ADGRF5: variants seen among roughly 807,000 people sequenced by gnomAD.
The protein encoded by ADGRF5 is G-protein coupled receptor 116.
ADGRF5 carries 75 observed loss-of-function variants against 132.3 expected under a neutral mutation model. The observed-to-expected ratio is 0.57, with a 90% CI of 0.47 to 0.69. The LOEUF (loss-of-function observed/expected upper bound fraction) is 0.69, where lower values mean the gene tolerates loss of function less well. ADGRF5 is among the 30% of genes least tolerant of loss of function. The pLI is 0.00. For missense variants in ADGRF5, 1,516 were observed against 1,630.6 expected (o/e 0.93, Z 1.21); for synonymous variants, 629 against 597.6 (o/e 1.05, Z -0.77).
At position 46,879,964 on chromosome 6, in the gene ADGRF5, A is replaced by G. The variant is rs1269923221; in HGVS notation, c.890T>C (p.Val297Ala). 1.2e-6 allele frequency: 2 copies of G among 1,614,160 alleles called. No individual in the cohort carries two copies. The highest frequency in any genetic ancestry group is 1.7e-5 in the Admixed American group (1 of 60,012). ...GCGCCAAGACACATTGGAGGACAAA[A>G]CTTCCTTTTCACACACCAGACTGAC... ...DTVSLVCEKE[V>A]LSSNVSWRYE... is the part of the protein sequence containing the mutation. The change falls in exon 9 of 21, where the codon GTT becomes GCT. Residue 297 changes from valine to alanine, a missense_variant. Physicochemically the swap from Val to Ala is moderately conservative, Grantham distance 64. Around this residue, in one of 2 missense-constraint regions of ADGRF5, gnomAD observed 945 missense variants for 929.4 expected, o/e 1.02. Coordinates refer to ENST00000283296, the MANE Select transcript of ADGRF5 (RefSeq NM_001098518.2).
At chr6:46,943,235 A>C (rs768249749) in intron 1 of ADGRF5, among the ~76,000 whole-genome samples, 6 of 152,128 alleles carry the variant, frequency 3.9e-5, no homozygotes, top group Non-Finnish European at 7.4e-5. Context: ...TGATTTTTGC[A>C]GAAAGTTGCT....
intron 1 of ADGRF5, among the ~76,000 whole-genome samples, chr6:46,920,628 C>T (rs574534501): frequency 1.4e-4 from 22 of 151,820 alleles, no homozygotes; most frequent in African/African-American, 4.3e-4. Flanking sequence ...TTTGGGAGGC[C>T]GAGGCAGGTG....
chr6:46,867,565 C>T (rs80247523), intron 12 of ADGRF5, among the ~76,000 whole-genome samples: 3 of 152,266 alleles, frequency 2.0e-5, no homozygotes, highest in South Asian at 2.1e-4. Flanking sequence ...ACCCCTATCT[C>T]CCATCTCTAA....
chr6:46,948,089 G>T (rs1459885081), intron 1 of ADGRF5, among the ~76,000 whole-genome samples: 2 of 152,152 alleles, frequency 1.3e-5, no homozygotes, highest in Admixed American at 1.3e-4. Flanking sequence ...GAGTAATAAT[G>T]CAGTGACCTT....
intron 1 of ADGRF5, among the ~76,000 whole-genome samples, chr6:46,911,876 T>G (rs1015319245): frequency 1.3e-5 from 2 of 152,154 alleles, no homozygotes; most frequent in Non-Finnish European, 2.9e-5. Flanking sequence ...ATGAACATTA[T>G]TAAAGAATAA....
intron 1 of ADGRF5, among the ~76,000 whole-genome samples, chr6:46,935,695 C>G (rs1777786676): frequency 6.6e-6 from 1 of 152,206 alleles, no homozygotes; most frequent in Non-Finnish European, 1.5e-5. Flanking sequence ...CCAAGTCCCT[C>G]TCCTGCTCCT....
intron 1 of ADGRF5, among the ~76,000 whole-genome samples, chr6:46,920,876 TA>T (rs1271877302): frequency 2.6e-5 from 4 of 152,000 alleles, no homozygotes; most frequent in African/African-American, 7.2e-5. Context: ...AAAATAAAAA[TA>T]AAAATAAAAT....
intron 1 of ADGRF5, among the ~76,000 whole-genome samples, chr6:46,933,121 A>C (rs1395328951): frequency 6.6e-6 from 1 of 152,196 alleles, no homozygotes; most frequent in Non-Finnish European, 1.5e-5. Context: ...AGAAGGAAGA[A>C]TGTGCCTCTT....
chr6:46,889,888 T>C (rs1376273101), intron 3 of ADGRF5, among the ~76,000 whole-genome samples: 3 of 151,800 alleles, frequency 2.0e-5, no homozygotes, highest in African/African-American at 7.3e-5. Flanking sequence ...CTTTCACTTC[T>C]CTTAGCCTTA....
rs678312 is a variant in ADGRF5 at position 46,888,363 on chromosome 6, G to A, written c.300C>T (p.Thr100=). ...TTGTCACATTTATGCTCAAAATGTC[G>A]GTAATTTGGTCAGTGTTATTCCCAT... ...PIHGNNTDQI[T]DILSINVTTV... The change falls in exon 4 of 21, where the codon ACC becomes ACT. Residue 100 remains threonine, a synonymous_variant. Coordinates refer to ENST00000283296, the MANE Select transcript of ADGRF5 (RefSeq NM_001098518.2). The A allele has an allele frequency of 0.88, 1,410,810 of 1,608,958 alleles. 619,490 individuals are homozygous for A. The highest frequency in any genetic ancestry group is 0.94 in the African/African-American group (70,545 of 74,948).
chr6:46,853,857 C>T lies in ADGRF5; in HGVS notation c.*135G>A. 1.6e-6 allele frequency: 1 copy of T among 633,970 alleles called. No individual in the cohort carries two copies. The highest frequency in any genetic ancestry group is 1.8e-5 in the South Asian group (1 of 55,438). 39.3% of individuals were successfully genotyped at this position (633,970 alleles called of 1,614,324 possible). On this transcript the variant is annotated 3_prime_UTR_variant, in exon 21 of 21. Coordinates refer to ENST00000283296, the MANE Select transcript of ADGRF5 (RefSeq NM_001098518.2). ...GTCTTTACAAAAGAAAGCCTCTTCT[C>T]TATGAAAAAGTCTTTTTGGCATCTG...
intron 1 of ADGRF5, among the ~76,000 whole-genome samples, chr6:46,907,617 C>T (rs112043567): frequency 4.9e-4 from 75 of 152,190 alleles, no homozygotes; most frequent in Middle Eastern, 3.4e-3. Flanking sequence ...GGGTGTCACA[C>T]GGAATAACCT....
At chr6:46,871,757 G>T in intron 11 of ADGRF5, 86 bp downstream of exon 11, 2 of 924,212 alleles carry the variant, frequency 2.2e-6, no homozygotes, top group Non-Finnish European at 3.3e-6. Context: ...TTTGCTCATA[G>T]ATATTTCCAT....
At chr6:46,876,576 G>A (rs73736675) in intron 10 of ADGRF5, among the ~76,000 whole-genome samples, 1 of 152,226 alleles carries the variant, frequency 6.6e-6, no homozygotes, top group African/African-American at 2.4e-5. Flanking sequence ...CATGTGCTTA[G>A]GAAAATTTGC....
chr6:46,887,903 T>G (rs9472895), intron 4 of ADGRF5: 2,994 of 154,854 alleles, frequency 0.019, 98 homozygotes, highest in African/African-American at 0.068. Flanking sequence ...TCCTATTTCC[T>G]GACCTATAAT....
rs766261770 is a variant in ADGRF5 at position 46,884,197 on chromosome 6, G to A, written c.403C>T (p.His135Tyr). ...TCACGCTCTTGACAAATGAGATTGT[G>A]AAGACACCTTTCCCGAGGCCACCCA... ...GYGWPRERCL[H>Y]NLICQERDVF... The change falls in exon 5 of 21, where the codon CAC becomes TAC. Residue 135 changes from histidine (H) to tyrosine (Y), a missense_variant. Around this residue, in one of 2 missense-constraint regions of ADGRF5, gnomAD observed 945 missense variants for 929.4 expected, o/e 1.02. Transcript: ENST00000283296. The A allele has an allele frequency of 1.2e-6, 2 of 1,613,730 alleles. No homozygotes were observed. Among genetic ancestry groups the A allele is most frequent in the Admixed American group, 1.7e-5 (1 of 60,010 alleles).
intron 9 of ADGRF5, 141 bp from the exon 10 acceptor site, chr6:46,878,546 T>TA (rs2150830846): frequency 1.6e-6 from 1 of 614,342 alleles, no homozygotes; most frequent in Non-Finnish European, 2.9e-6. Context: ...TAAAGACGCC[T>TA]AAAAAACCAT....
Position 46,855,260 on chromosome 6 carries a change from G to A in ADGRF5, c.3961+714C>T, listed in dbSNP as rs1211966692. Among the ~76,000 whole-genome samples the A allele has an allele frequency of 3.3e-5, 5 of 152,126 alleles. 1 individual carries two copies. The South Asian group carries it at 1.0e-3, about 32-fold the overall frequency. ...AGCAGGGTTGACTGAAGTATCAGCA[G>A]CACCACCACCACTACCACTATCGGC... On this transcript the variant is annotated intron_variant, in intron 20 of 20. Coordinates refer to ENST00000283296, the MANE Select transcript of ADGRF5 (RefSeq NM_001098518.2).
chr6:46,871,903 A>G lies in ADGRF5; in HGVS notation c.1351T>C (p.Phe451Leu), dbSNP rs866374737. The G allele has an allele frequency of 6.2e-7, 1 of 1,612,330 alleles. No individual in the cohort carries two copies. Among genetic ancestry groups the G allele is most frequent in the Non-Finnish European group, 8.5e-7 (1 of 1,178,794 alleles). Reference sequence around the variant, plus strand: ...CCTCTGGCTCCATAGGCACTGATGAACTCACAAGTGTAGATGACTGTTGTT... The same window carrying G: ...CCTCTGGCTCCATAGGCACTGATGAGCTCACAAGTGTAGATGACTGTTGTT... ...SGTTVIYTCE[F>L]ISAYGARGSA... Residue 451 changes from phenylalanine to leucine, a missense_variant, in exon 11 of 21, where the codon TTC becomes CTC. This residue lies in a region of ADGRF5 where 945 missense variants were observed against 929.4 expected (regional missense o/e 1.02). Transcript: ENST00000283296.
Sources: gnomAD v4.1 joint callset for allele counts (sites outside exome capture counted in the v4.1 genomes callset) on GRCh38, gnomAD v4.1.1 for gene constraint, gnomAD v4.1.1 regional missense constraint, MANE v1.5 for transcripts, NCBI Gene and HGNC (gene_info 2026-07-23, HGNC 2026-07-21) for gene names.